Variants in RLBP1 observed in about 807,000 individuals in gnomAD.
RLBP1 encodes the protein retinaldehyde binding protein 1.
RLBP1 carries 26 observed loss-of-function variants against 36.2 expected under a neutral mutation model. The observed-to-expected ratio is 0.72, with a 90% CI of 0.53 to 1.00. RLBP1 has a LOEUF of 1.00. Ranked by LOEUF, RLBP1 falls within the 50% of genes least tolerant of loss-of-function variation. The probability of loss-of-function intolerance (pLI) is 0.00; values close to 1 mark genes in which losing one functional copy is unlikely to be tolerated. For synonymous variants in RLBP1, 155 were observed against 156.2 expected, an observed-to-expected ratio of 0.99 and a Z score of 0.06; for missense variants, 410 against 402.4, an observed-to-expected ratio of 1.02 and a Z score of -0.16.
chr15:89,212,032 C>G (rs1490216805), intron 6 of RLBP1, 131 bp from the exon 7 acceptor site: 2 of 929,502 alleles, frequency 2.2e-6, no homozygotes, highest in African/African-American at 1.6e-5. Flanking sequence ...CTCGGACATT[C>G]CACTTCTGTG....
Position 89,218,649 on chromosome 15 carries a change from A to G in RLBP1, c.57T>C (p.Arg19=), listed in dbSNP as rs748220068. 7 of 1,614,120 alleles carry G rather than the reference A, an allele frequency of 4.3e-6. No homozygotes were observed. Among genetic ancestry groups the G allele is most frequent in the Non-Finnish European group, 5.9e-6 (7 of 1,180,052 alleles). The part of the protein sequence containing the change: ...RMVPEEEQEL[R]AQLEQLTTKD... ...TGGTTGTGAGCTGCTCCAGTTGGGC[A>G]CGGAGCTCCTGTTCCTCTTCAGGTA... The change falls in exon 4 of 9, where the codon CGT becomes CGC. Residue 19 remains arginine, a synonymous_variant. Transcript: ENST00000268125. The surrounding 1 kb of genome is among the most constrained non-coding windows in gnomAD (Gnocchi z 4.6).
intron 6 of RLBP1, among the ~76,000 whole-genome samples, chr15:89,212,189 C>G (rs1199728696): frequency 6.6e-6 from 1 of 152,156 alleles, no homozygotes; most frequent in Non-Finnish European, 1.5e-5. Context: ...ACATTTATGC[C>G]ATGGAATACT....
chr15:89,214,036 C>A lies in RLBP1; in HGVS notation c.525+1024G>T, dbSNP rs1285765546. On this transcript the variant is annotated intron_variant, in intron 6 of 8. Coordinates refer to ENST00000268125, the MANE Select transcript of RLBP1 (RefSeq NM_000326.5). This position sits in a 1 kb window ranked among gnomAD's most constrained non-coding sequence, Gnocchi z 4.6. ...TGAATAGATAAAGAGACCAATGGAACAGAATAGAAAGTCCAGAAATAGACC... is the reference window on the plus strand; with the variant it reads ...TGAATAGATAAAGAGACCAATGGAAAAGAATAGAAAGTCCAGAAATAGACC... Among the ~76,000 whole-genome samples, 1 of 151,958 alleles carries A rather than the reference C, an allele frequency of 6.6e-6. No individual in the cohort carries two copies. The highest frequency in any genetic ancestry group is 3.2e-3 in the Middle Eastern group (1 of 316).
rs1013530702 is a variant in RLBP1, at chr15:89,214,540, C to T, written c.525+520G>A. Among the ~76,000 whole-genome samples, 5 of 152,018 alleles carry T rather than the reference C, an allele frequency of 3.3e-5. No homozygotes were observed. The highest frequency in any genetic ancestry group is 7.2e-5 in the African/African-American group (3 of 41,380). ...AAGGAATCTTTTTCAGGCTCAGTGG[C>T]GCATGCCAAAGTTCTCCCAAGACAA... is the stretch of plus-strand genomic sequence containing the variant. On this transcript the variant is annotated intron_variant, in intron 6 of 8. Coordinates refer to ENST00000268125, the MANE Select transcript of RLBP1 (RefSeq NM_000326.5). The surrounding 1 kb of genome is among the most constrained non-coding windows in gnomAD (Gnocchi z 4.6).
rs1330581174 is a variant in RLBP1, at chr15:89,218,941, GC to G, written c.12+22del. Reference sequence around the variant, plus strand: ...AGAGAGGGAAGGTGGGTGGAGGAGAGCCCTGGAGGACAGGGTACTTACCCCT... The same window carrying G: ...AGAGAGGGAAGGTGGGTGGAGGAGAGCCTGGAGGACAGGGTACTTACCCCT... On this transcript the variant is annotated intron_variant, in intron 3 of 8. Transcript: ENST00000268125. This position sits in a 1 kb window ranked among gnomAD's most constrained non-coding sequence, Gnocchi z 4.6. 1 of 1,613,100 alleles carries G rather than the reference GC, an allele frequency of 6.2e-7. No individual in the cohort carries two copies. Among genetic ancestry groups the G allele is most frequent in the Non-Finnish European group, 8.5e-7 (1 of 1,179,186 alleles).
intron 2 of RLBP1, 67 bp from the exon 3 acceptor site, chr15:89,219,142 T>G: frequency 1.3e-6 from 1 of 790,702 alleles, no homozygotes; most frequent in Non-Finnish European, 2.2e-6. Context: ...TTCAATTGCA[T>G]CAGAATCACC....
At chr15:89,216,957 C>G (rs1170481501) in intron 5 of RLBP1, among the ~76,000 whole-genome samples, 163 bp downstream of exon 5, 2 of 152,224 alleles carry the variant, frequency 1.3e-5, no homozygotes, top group East Asian at 1.9e-4. Context: ...TTCGTTCGCT[C>G]ATTATCAGAG....
In RLBP1 at chr15:89,214,033, G is replaced by A. The variant is rs894376421; in HGVS notation, c.525+1027C>T. Among the ~76,000 whole-genome samples, 9 of 152,008 alleles carry A rather than the reference G, an allele frequency of 5.9e-5. No individual in the cohort carries two copies. Among genetic ancestry groups the A allele is most frequent in the African/African-American group, 2.2e-4 (9 of 41,360 alleles). The stretch of plus-strand genomic sequence containing the variant: ...GTATGAATAGATAAAGAGACCAATG[G>A]AACAGAATAGAAAGTCCAGAAATAG... On this transcript the variant is annotated intron_variant, in intron 6 of 8. Coordinates refer to ENST00000268125, the MANE Select transcript of RLBP1 (RefSeq NM_000326.5). The surrounding 1 kb of genome is among the most constrained non-coding windows in gnomAD (Gnocchi z 4.6).
At chr15:89,220,490 G>C (rs1028573242) in intron 1 of RLBP1, among the ~76,000 whole-genome samples, 1 of 152,070 alleles carries the variant, frequency 6.6e-6, no homozygotes, top group Non-Finnish European at 1.5e-5. Flanking sequence ...AAGAGACTTG[G>C]AGGACCCCCA....
chr15:89,221,205 C>T (rs2051624019), intron 1 of RLBP1, among the ~76,000 whole-genome samples: 1 of 152,106 alleles, frequency 6.6e-6, no homozygotes, highest in Admixed American at 6.6e-5. Context: ...GATGGGGTTT[C>T]ACCATGTTGG....
At position 89,211,476 on chromosome 15, in the gene RLBP1, C is replaced by A. The variant is rs1183431283; in HGVS notation, c.684+267G>T. ...TGACCTCGAGATGTCTCTTAAATCT[C>A]TGAGCCTTCGTTTCCAGGTTTGAAA... On this transcript the variant is annotated intron_variant, in intron 7 of 8. Transcript: ENST00000268125. This position sits in a 1 kb window ranked among gnomAD's most constrained non-coding sequence, Gnocchi z 5.8. Among the ~76,000 whole-genome samples, 1 of 152,188 alleles carries A rather than the reference C, an allele frequency of 6.6e-6. No individual in the cohort carries two copies. Among genetic ancestry groups the A allele is most frequent in the Non-Finnish European group, 1.5e-5 (1 of 68,040 alleles).
At position 89,215,097 on chromosome 15, in the gene RLBP1, A is replaced by G. The variant is rs116677006; in HGVS notation, c.488T>C (p.Ile163Thr). Reference sequence around the variant, plus strand: ...GATTTCTTGACTTTGCCAGTTCTCAATGTTGAAGAGCATGACCACTCGGCC... The same window carrying G: ...GATTTCTTGACTTTGCCAGTTCTCAGTGTTGAAGAGCATGACCACTCGGCC... ...KYGRVVMLFN[I>T]ENWQSQEITF... The change falls in exon 6 of 9, where the codon ATT (isoleucine) becomes ACT (threonine). Residue 163 changes from isoleucine to threonine, a missense_variant. By Grantham distance (89) the Ile-to-Thr change is moderately conservative. Transcript: ENST00000268125. The G allele has an allele frequency of 2.0e-4, 325 of 1,614,222 alleles. No individual in the cohort carries two copies. The highest frequency in any genetic ancestry group is 1.6e-3 in the African/African-American group (118 of 75,056).
Position 89,217,336 on chromosome 15 carries a change from T to TG in RLBP1, c.142-13dup. ...AGCTCATCCTTGGCCTAGAACAGGG[T>TG]GGGGTGTGCATGAAGTTAAACTTAG... On this transcript the variant is annotated splice_polypyrimidine_tract_variant and intron_variant, in intron 4 of 8. Coordinates refer to ENST00000268125, the MANE Select transcript of RLBP1 (RefSeq NM_000326.5). 9 of 1,602,410 alleles carry TG rather than the reference T, an allele frequency of 5.6e-6. No individual in the cohort carries two copies. Among genetic ancestry groups the TG allele is most frequent in the Non-Finnish European group, 7.6e-6 (9 of 1,179,748 alleles).
rs2051606907 is a variant in RLBP1, at chr15:89,219,078, G to T, written c.-100-3C>A. 4 of 1,361,616 alleles carry T rather than the reference G, an allele frequency of 2.9e-6. No individual in the cohort carries two copies. Among genetic ancestry groups the T allele is most frequent in the Non-Finnish European group, 4.2e-6 (4 of 954,134 alleles). The allele number at this position is 1,361,616 out of a possible 1,614,324, so 84.3% of individuals were successfully genotyped here. A position where few individuals can be genotyped will look rare whatever the true frequency, so the allele number is the denominator to read the frequency against. On this transcript the variant is annotated splice_region_variant and splice_polypyrimidine_tract_variant and intron_variant, in intron 2 of 8. Coordinates refer to ENST00000268125, the MANE Select transcript of RLBP1 (RefSeq NM_000326.5). ...TTCCCTAGGATAGGAAGTCAGGGCTGCAGGGGTTAGAAAAACCATTCTGTT... is the reference window on the plus strand; with the variant it reads ...TTCCCTAGGATAGGAAGTCAGGGCTTCAGGGGTTAGAAAAACCATTCTGTT...
In RLBP1 at chr15:89,211,987, A is replaced by G; in HGVS notation, c.526-86T>C. On this transcript the variant is annotated intron_variant, in intron 6 of 8. Coordinates refer to ENST00000268125, the MANE Select transcript of RLBP1 (RefSeq NM_000326.5). The surrounding 1 kb of genome is among the most constrained non-coding windows in gnomAD (Gnocchi z 5.8). ...TCCTGAGGGGAGAGCTAATTGGTAC[A>G]TTCTTCACTGGGGTAATTTGCTGCA... is the stretch of plus-strand genomic sequence containing the variant. 1 of 1,369,448 alleles carries G rather than the reference A, an allele frequency of 7.3e-7. No homozygotes were observed. Among genetic ancestry groups the G allele is most frequent in the Non-Finnish European group, 1.0e-6 (1 of 972,680 alleles). The allele number at this position is 1,369,448 out of a possible 1,614,324, so 84.8% of individuals were successfully genotyped here. A position where few individuals can be genotyped will look rare whatever the true frequency, so the allele number is the denominator to read the frequency against.
intron 1 of RLBP1, among the ~76,000 whole-genome samples, chr15:89,221,268 C>T (rs1051089466): frequency 6.6e-6 from 1 of 152,180 alleles, no homozygotes; most frequent in Non-Finnish European, 1.5e-5. Context: ...CTCGGCCTCC[C>T]AAAGTGCTGG....
chr15:89,220,434 C>T (rs1354145684), intron 1 of RLBP1, among the ~76,000 whole-genome samples: 1 of 152,186 alleles, frequency 6.6e-6, no homozygotes. Flanking sequence ...GCATAGTTCC[C>T]CTTCTCTTTC....
chr15:89,218,922 G>GGAAGAAGA lies in RLBP1; in HGVS notation c.12+41_12+42insTCTTCTTC. ...GGGAGAGGGAAGAGAGAGAAGAGAG[G>GGAAGAAGA]GAAGGTGGGTGGAGGAGAGCCCTGG... On this transcript the variant is annotated intron_variant, in intron 3 of 8. Transcript: ENST00000268125. This position sits in a 1 kb window ranked among gnomAD's most constrained non-coding sequence, Gnocchi z 4.6. The GGAAGAAGA allele has an allele frequency of 6.2e-7, 1 of 1,607,850 alleles. No individual in the cohort carries two copies. The highest frequency in any genetic ancestry group is 8.5e-7 in the Non-Finnish European group (1 of 1,174,906).
At chr15:89,213,118 G>A (rs2051552297) in intron 6 of RLBP1, among the ~76,000 whole-genome samples, 1 of 152,140 alleles carries the variant, frequency 6.6e-6, no homozygotes, top group South Asian at 2.1e-4. Flanking sequence ...AATACACACA[G>A]ATAGGCAGGT....
Sources: gnomAD v4.1 joint callset for allele counts (sites outside exome capture counted in the v4.1 genomes callset) on GRCh38, gnomAD v4.1.1 for gene constraint, Gnocchi (gnomAD v3.1) non-coding constraint, MANE v1.5 for transcripts, NCBI Gene and HGNC (gene_info 2026-07-23, HGNC 2026-07-21) for gene names.